CELF2: variants seen among roughly 807,000 people sequenced by gnomAD.
The protein encoded by CELF2 is CUGBP Elav-like family member 2.
In CELF2, 8 loss-of-function variants were observed where a neutral mutation model predicts 62.6. The ratio of observed to expected loss-of-function variants is 0.13; its 90% confidence interval spans 0.07 to 0.23. The LOEUF is 0.23. Among genes scored for constraint, CELF2 ranks in the 10% least tolerant of loss-of-function variants. CELF2 has a pLI of 1.00. For missense variants in CELF2, 333 were observed against 671.0 expected (o/e 0.50, Z 5.56); for synonymous variants, 258 against 250.0 (o/e 1.03, Z -0.30).
intron 1 of CELF2, among the ~76,000 whole-genome samples, chr10:10,866,014 G>A (rs866386187): frequency 6.6e-6 from 1 of 152,062 alleles, no homozygotes; most frequent in African/African-American, 2.4e-5. Flanking sequence ...GTGTGTGGGG[G>A]TAGATTCCTG....
the CELF2 span, among the ~76,000 whole-genome samples, chr10:10,683,652 A>G: frequency 6.6e-6 from 1 of 152,228 alleles, no homozygotes; most frequent in Non-Finnish European, 1.5e-5. Context: ...TAGAGTACAG[A>G]TGGGAAAGAA....
the CELF2 span, among the ~76,000 whole-genome samples, chr10:10,566,419 A>ATT: frequency 0.11 from 14,775 of 136,462 alleles, 852 homozygotes; most frequent in Middle Eastern, 0.19. Context: ...TTTTTTTTTA[A>ATT]TTTTTTTTTT....
intron 1 of CELF2, among the ~76,000 whole-genome samples, chr10:11,078,573 A>G (rs569808249): frequency 5.3e-5 from 8 of 152,260 alleles, no homozygotes; most frequent in South Asian, 2.1e-4. Context: ...TCCAAAATCT[A>G]TCTATACTCC....
chr10:11,249,272 G>A lies in CELF2; in HGVS notation c.403+71G>A, dbSNP rs369645740. 3,135 of 1,245,476 alleles carry A rather than the reference G, an allele frequency of 2.5e-3. 8 individuals carry two copies. Among genetic ancestry groups the A allele is most frequent in the Middle Eastern group, 4.5e-3 (24 of 5,366 alleles). 77.2% of individuals were successfully genotyped at this position (1,245,476 alleles called of 1,614,324 possible). ...TTAAATTACAAAGTCAGTTGGGGGC[G>A]GGAGAAGCCGGCCCAGCTGCTTTTC... is the stretch of plus-strand genomic sequence containing the variant. On this transcript the variant is annotated intron_variant, in intron 4 of 12. Coordinates refer to ENST00000633077, the MANE Select transcript of CELF2 (RefSeq NM_001326342.2).
At chr10:11,109,398 A>G (rs780335189) in intron 1 of CELF2, among the ~76,000 whole-genome samples, 1 of 152,226 alleles carries the variant, frequency 6.6e-6, no homozygotes, top group Non-Finnish European at 1.5e-5. Context: ...CAGTGATGCA[A>G]GGACTCACTG....
chr10:11,257,630 G>C (rs771411561), intron 4 of CELF2, 108 bp from the exon 5 acceptor site: 3 of 1,301,256 alleles, frequency 2.3e-6, no homozygotes, highest in African/African-American at 1.5e-5. Context: ...CTTGGGACAC[G>C]TGCTTGGTCT....
chr10:10,745,123 A>AAAC, the CELF2 span, among the ~76,000 whole-genome samples: 1 of 119,712 alleles, frequency 8.4e-6, no homozygotes. Context: ...TAAAAAAAAA[A>AAAC]AAAACAAAAC....
intron 1 of CELF2, among the ~76,000 whole-genome samples, chr10:10,871,345 T>C (rs1345524784): frequency 2.0e-5 from 3 of 152,256 alleles, no homozygotes; most frequent in Non-Finnish European, 4.4e-5. Flanking sequence ...ACTAAAAATC[T>C]ATGCGCCACA....
chr10:11,097,580 C>T (rs892297348), intron 1 of CELF2, among the ~76,000 whole-genome samples: 6 of 152,176 alleles, frequency 3.9e-5, no homozygotes, highest in Admixed American at 6.5e-5. Context: ...TTGAGTGCTC[C>T]GGTTCAATAG....
the CELF2 span, among the ~76,000 whole-genome samples, chr10:10,480,393 G>T: frequency 6.6e-6 from 1 of 152,050 alleles, no homozygotes; most frequent in Non-Finnish European, 1.5e-5. Flanking sequence ...TCTTTTCTCT[G>T]CACGCAGCTA....
At chr10:10,766,053 A>G in the CELF2 span, among the ~76,000 whole-genome samples, 1 of 152,186 alleles carries the variant, frequency 6.6e-6, no homozygotes, top group Non-Finnish European at 1.5e-5. Context: ...CTGAGAAACC[A>G]AGTGCTCCTA....
chr10:11,155,468 A>G (rs1426255406), intron 1 of CELF2, among the ~76,000 whole-genome samples: 1 of 152,202 alleles, frequency 6.6e-6, no homozygotes, highest in Admixed American at 6.5e-5. Context: ...TGGAAAACCA[A>G]CATGAGAGAT....
rs1281839261 is a variant in CELF2, at chr10:11,297,643, T to C, written c.976+9091T>C. 6.6e-6 allele frequency among the ~76,000 whole-genome samples: 1 copy of C among 152,204 alleles called. No individual in the cohort carries two copies. Among genetic ancestry groups the C allele is most frequent in the African/African-American group, 2.4e-5 (1 of 41,450 alleles). ...GGCAGTGAGAGAGGACACAATTCTA[T>C]ATGACATGTTCATGAAATGTGAATA... On this transcript the variant is annotated intron_variant, in intron 9 of 12. Coordinates refer to ENST00000633077, the MANE Select transcript of CELF2 (RefSeq NM_001326342.2). This position sits in a 1 kb window ranked among gnomAD's most constrained non-coding sequence, Gnocchi z 4.4.
At chr10:10,475,426 C>T in the CELF2 span, among the ~76,000 whole-genome samples, 1 of 151,384 alleles carries the variant, frequency 6.6e-6, no homozygotes, top group East Asian at 1.9e-4. Flanking sequence ...ACTGACTTAC[C>T]AACATCGCAA....
intron 2 of CELF2, among the ~76,000 whole-genome samples, chr10:10,996,039 A>C (rs1294906276): frequency 6.6e-6 from 1 of 152,234 alleles, no homozygotes; most frequent in East Asian, 1.9e-4. Flanking sequence ...TTTTTACTAA[A>C]AAAGTTTAAA....
intron 2 of CELF2, among the ~76,000 whole-genome samples, chr10:11,167,756 G>GT (rs1167931119): frequency 1.3e-5 from 2 of 152,188 alleles, no homozygotes; most frequent in East Asian, 1.9e-4. Flanking sequence ...GATGAGGGAA[G>GT]TTTTTTTGAG....
intron 2 of CELF2, among the ~76,000 whole-genome samples, chr10:10,935,753 G>A (rs778689454): frequency 6.6e-6 from 1 of 152,144 alleles, no homozygotes; most frequent in Non-Finnish European, 1.5e-5. Context: ...TAATCCAGTG[G>A]TTCTGCAAAT....
At position 11,178,204 on chromosome 10, in the gene CELF2, A is replaced by G. The variant is rs933348282; in HGVS notation, c.271+12522A>G. Among the ~76,000 whole-genome samples the G allele has an allele frequency of 6.6e-6, 1 of 152,180 alleles. No individual in the cohort carries two copies. Among genetic ancestry groups the G allele is most frequent in the African/African-American group, 2.4e-5 (1 of 41,460 alleles). The stretch of plus-strand genomic sequence containing the variant: ...GCCCAGTCCTCGCTCCCCTTTGCCA[A>G]CCGGGCTGCTGAGTGTGATGCTCCC... On this transcript the variant is annotated intron_variant, in intron 2 of 12. Transcript: ENST00000633077. The surrounding 1 kb of genome is among the most constrained non-coding windows in gnomAD (Gnocchi z 4.3).
the CELF2 span, among the ~76,000 whole-genome samples, chr10:10,748,584 TA>T: frequency 2.6e-5 from 4 of 151,280 alleles, no homozygotes; most frequent in African/African-American, 9.7e-5. Flanking sequence ...CTGTCTCTAC[TA>T]AAAATACAAA....
Sources: allele counts gnomAD v4.1 joint callset (sites outside exome capture counted in the v4.1 genomes callset), GRCh38; gene constraint gnomAD v4.1.1; non-coding constraint Gnocchi (gnomAD v3.1); transcripts MANE v1.5; gene names NCBI Gene and HGNC (gene_info 2026-07-23, HGNC 2026-07-21).